Variants in FGFR2 observed in about 807,000 individuals in gnomAD.
FGFR2 encodes BEK fibroblast growth factor receptor.
Under a neutral mutation model 95.9 loss-of-function variants are expected in FGFR2, and 19 were observed. That is an observed-to-expected ratio of 0.20 (90% CI 0.14 to 0.29). The LOEUF is 0.29. FGFR2 is among the 10% of genes least tolerant of loss of function. The pLI, the probability that FGFR2 is intolerant of heterozygous loss-of-function variation, is 1.00. For synonymous variants in FGFR2, 392 were observed against 393.3 expected (o/e 1.00, Z 0.04); for missense variants, 707 against 1,056.9 (o/e 0.67, Z 4.59).
At chr10:121,513,369 C>G (rs978192033) in intron 9 of FGFR2, among the ~76,000 whole-genome samples, 9 of 152,114 alleles carry the variant, frequency 5.9e-5, no homozygotes, top group Non-Finnish European at 1.3e-4. Flanking sequence ...TGAAGAAAAG[C>G]CAGCTGGCAC....
At chr10:121,582,480 A>G (rs1861094177) in intron 2 of FGFR2, among the ~76,000 whole-genome samples, 1 of 152,156 alleles carries the variant, frequency 6.6e-6, no homozygotes, top group African/African-American at 2.4e-5. Flanking sequence ...TTTAAGAGGG[A>G]AATTTGCAGC....
At chr10:121,595,376 A>C (rs1364208624) in intron 1 of FGFR2, among the ~76,000 whole-genome samples, 1 of 152,236 alleles carries the variant, frequency 6.6e-6, no homozygotes, top group Non-Finnish European at 1.5e-5. Flanking sequence ...CTTCAAAGAT[A>C]GCACAGGTGA....
At chr10:121,501,821 C>T (rs1236769154) in intron 10 of FGFR2, among the ~76,000 whole-genome samples, 1 of 152,106 alleles carries the variant, frequency 6.6e-6, no homozygotes, top group African/African-American at 2.4e-5. Flanking sequence ...CTACCCAGAA[C>T]GAAAATTAAA....
chr10:121,565,583 C>T lies in FGFR2; in HGVS notation c.231G>A (p.Val77=), dbSNP rs747287641. The change falls in exon 3 of 18, where the codon GTG becomes GTA. Residue 77 remains valine (V), a synonymous_variant. Coordinates refer to ENST00000358487, the MANE Select transcript of FGFR2 (RefSeq NM_000141.5). ...AAVISWTKDG[V]HLGPNNRTVL... The stretch of plus-strand genomic sequence containing the variant: ...CTGTCCTATTGTTGGGCCCCAAGTG[C>T]ACCCCATCCTTAGTCCAACTGATCA... 23 of 1,614,126 alleles carry T rather than the reference C, an allele frequency of 1.4e-5. No homozygotes were observed. The highest frequency in any genetic ancestry group is 1.8e-5 in the Non-Finnish European group (21 of 1,180,058).
At chr10:121,504,039 G>A in intron 9 of FGFR2, 98 bp from the exon 10 acceptor site, 1 of 1,447,528 alleles carries the variant, frequency 6.9e-7, no homozygotes, top group Non-Finnish European at 9.5e-7. Context: ...TCTTAGAAAG[G>A]AATGGGTTGG....
At chr10:121,561,499 C>A (rs1461865789) in intron 4 of FGFR2, among the ~76,000 whole-genome samples, 1 of 151,058 alleles carries the variant, frequency 6.6e-6, no homozygotes, top group East Asian at 1.9e-4. Flanking sequence ...CATCCACAGG[C>A]TAAAAAGTGA....
chr10:121,487,745 T>C (rs565459628), intron 14 of FGFR2, among the ~76,000 whole-genome samples: 47 of 152,356 alleles, frequency 3.1e-4, no homozygotes, highest in African/African-American at 1.0e-3. Context: ...ATGAGAACCA[T>C]AAGAAAATCC....
intron 13 of FGFR2, among the ~76,000 whole-genome samples, chr10:121,492,819 T>A (rs1846308563): frequency 1.3e-5 from 2 of 152,120 alleles, no homozygotes. Context: ...CCATACAATA[T>A]CCCTTTTACC....
chr10:121,488,231 T>C, intron 13 of FGFR2, 118 bp from the exon 14 acceptor site: 1 of 1,403,494 alleles, frequency 7.1e-7, no homozygotes. Flanking sequence ...TAAAAACCAG[T>C]TGCGGTATAC....
chr10:121,496,759 T>G, intron 12 of FGFR2, 37 bp from the exon 13 acceptor site: 1 of 1,586,352 alleles, frequency 6.3e-7, no homozygotes, highest in Non-Finnish European at 8.6e-7. Context: ...AAAGAGAGAA[T>G]CCAGGGTCTC....
chr10:121,587,917 A>G (rs1862075698), intron 2 of FGFR2, among the ~76,000 whole-genome samples: 1 of 152,240 alleles, frequency 6.6e-6, no homozygotes, highest in South Asian at 2.1e-4. Context: ...AATATAAATC[A>G]TTCTACCATA....
rs1849958733 is a variant in FGFR2, at chr10:121,518,221, G to T, written c.940-758C>A. Among the ~76,000 whole-genome samples, 1 of 152,120 alleles carries T rather than the reference G, an allele frequency of 6.6e-6. No individual in the cohort carries two copies. The highest frequency in any genetic ancestry group is 6.5e-5 in the Admixed American group (1 of 15,278). ...AAGGTCAAGAACAGCAACTCATAAG[G>T]ATCAACCATGCAACCAAAGAAATGA... On this transcript the variant is annotated intron_variant, in intron 7 of 17. Transcript: ENST00000358487. This position sits in a 1 kb window ranked among gnomAD's most constrained non-coding sequence, Gnocchi z 4.0.
At chr10:121,594,244 A>G in intron 1 of FGFR2, 1 of 386,604 alleles carries the variant, frequency 2.6e-6, no homozygotes, top group Non-Finnish European at 4.8e-6. Context: ...CACTTCAGTG[A>G]GGCAATGTGT....
intron 2 of FGFR2, among the ~76,000 whole-genome samples, chr10:121,586,382 A>C (rs868338782): frequency 3.3e-5 from 5 of 152,214 alleles, no homozygotes; most frequent in African/African-American, 1.2e-4. Flanking sequence ...CTGAAACTCT[A>C]TATGTGTGCA....
At position 121,517,294 on chromosome 10, in the gene FGFR2, C is replaced by T. The variant is rs2134252861; in HGVS notation, c.1084+25G>A. 6.2e-7 allele frequency: 1 copy of T among 1,613,862 alleles called. No homozygotes were observed. Among genetic ancestry groups the T allele is most frequent in the Non-Finnish European group, 8.5e-7 (1 of 1,179,824 alleles). ...AGTCAACCAAGAAAAGGGAAAAAAA[C>T]CCAGAGAGAAAGAACAGTATATACC... On this transcript the variant is annotated intron_variant, in intron 8 of 17. Coordinates refer to ENST00000358487, the MANE Select transcript of FGFR2 (RefSeq NM_000141.5). The surrounding 1 kb of genome is among the most constrained non-coding windows in gnomAD (Gnocchi z 4.7).
chr10:121,499,890 AT>A (rs1276148548), intron 11 of FGFR2, among the ~76,000 whole-genome samples: 1 of 152,192 alleles, frequency 6.6e-6, no homozygotes, highest in Admixed American at 6.5e-5. Context: ...CAAAATGCAC[AT>A]CTTGTTGACA....
intron 9 of FGFR2, among the ~76,000 whole-genome samples, chr10:121,504,855 C>A (rs534700478): frequency 1.1e-4 from 17 of 152,148 alleles, no homozygotes; most frequent in Middle Eastern, 6.8e-3. Flanking sequence ...ACACAGAGCA[C>A]ACTGGAAGGC....
intron 8 of FGFR2, 76 bp from the exon 9 acceptor site, chr10:121,515,395 A>G: frequency 1.4e-6 from 2 of 1,447,330 alleles, no homozygotes; most frequent in Non-Finnish European, 1.9e-6. Context: ...GCATCATAGC[A>G]CAACCAAAGG....
At chr10:121,555,442 CT>C (rs143828919) in intron 4 of FGFR2, among the ~76,000 whole-genome samples, 1 of 152,144 alleles carries the variant, frequency 6.6e-6, no homozygotes, top group African/African-American at 2.4e-5. Context: ...TTTCCCTGAA[CT>C]TTATATACCT....
Sources: allele counts gnomAD v4.1 joint callset (sites outside exome capture counted in the v4.1 genomes callset), GRCh38; gene constraint gnomAD v4.1.1; non-coding constraint Gnocchi (gnomAD v3.1); transcripts MANE v1.5; gene names NCBI Gene and HGNC (gene_info 2026-07-23, HGNC 2026-07-21).